The following MRGPRG variants were observed in gnomAD, a reference collection of about 807,000 sequenced individuals.
MRGPRG encodes mas-related G protein-coupled receptor member G.
For synonymous variants in MRGPRG, 216 were observed against 206.7 expected (o/e 1.05, Z -0.39); for missense variants, 395 against 394.7 (o/e 1.00, Z -0.01).
At position 3,218,245 on chromosome 11, in the gene MRGPRG, G is replaced by A; in HGVS notation, c.569C>T (p.Thr190Ile). The change falls in exon 1 of 1, where the codon ACT becomes ATT. Residue 190 changes from threonine (T) to isoleucine (I), a missense_variant. By Grantham distance (89) the Thr-to-Ile change is moderately conservative. Transcript: ENST00000332314. ...GCCGTAGAGCCTGGGCCGCGGGCGA[G>A]TGGAGCAGCAGGTCACCCAGACAAA... is the stretch of plus-strand genomic sequence containing the variant. ...VLFVWVTCCS[T>I]RPRPRLYGIV... is the part of the protein sequence containing the mutation. 1 of 1,497,512 alleles carries A rather than the reference G, an allele frequency of 6.7e-7. No individual in the cohort carries two copies. The highest frequency in any genetic ancestry group is 8.9e-7 in the Non-Finnish European group (1 of 1,117,852). The allele number at this position is 1,497,512 out of a possible 1,614,324, so 92.8% of individuals were successfully genotyped here. A position where few individuals can be genotyped will look rare whatever the true frequency, so the allele number is the denominator to read the frequency against.
chr11:3,218,576 G>A lies in MRGPRG; in HGVS notation c.238C>T (p.Leu80Phe), dbSNP rs994735224. 3.2e-6 allele frequency: 5 copies of A among 1,545,704 alleles called. No individual in the cohort carries two copies. The highest frequency in any genetic ancestry group is 2.0e-5 in the Admixed American group (1 of 50,838). ...CACAGGAAGGTGAGCACGAAGTAGA[G>A]TGTGTCCTGGGCGCCCAGGGCAGCC... ...AQAALGAQDTLYFVLTFLWFA... is the reference protein window; with the variant it reads ...AQAALGAQDTFYFVLTFLWFA... The change falls in exon 1 of 1, where the codon CTC becomes TTC. Residue 80 changes from leucine (L) to phenylalanine (F), a missense_variant. By Grantham distance (22) the Leu-to-Phe change is conservative. Transcript: ENST00000332314.
In MRGPRG at chr11:3,218,766, G is replaced by C; in HGVS notation, c.48C>G (p.Phe16Leu). The change falls in exon 1 of 1, where the codon TTC becomes TTG. Residue 16 changes from phenylalanine (F) to leucine (L), a missense_variant. Transcript: ENST00000332314. ...GLWRTFDSVV[F>L]YLTLIVGLGG... is the part of the protein sequence containing the mutation. The stretch of plus-strand genomic sequence containing the variant: ...CGAGGCCCACGATCAGCGTCAGGTA[G>C]AAGACCACACTGTCGAAGGTTCTCC... 6.5e-7 allele frequency: 1 copy of C among 1,545,682 alleles called. No individual in the cohort carries two copies. The highest frequency in any genetic ancestry group is 8.7e-7 in the Non-Finnish European group (1 of 1,143,688).
At chr11:3,218,500 AG>A in the MRGPRG span, 1 of 1,544,686 alleles carries the variant, frequency 6.5e-7, no homozygotes. Flanking sequence ...GAGGTCGGAG[AG>A]GCAGCGCTCC....
In MRGPRG at chr11:3,217,999, C is replaced by T; in HGVS notation, c.815G>A (p.Gly272Glu). Residue 272 changes from glycine (G) to glutamate (E), a missense_variant, in exon 1 of 1, where the codon GGG becomes GAG. Transcript: ENST00000332314. The surrounding 1 kb of genome is among the most constrained non-coding windows in gnomAD (Gnocchi z 6.5). Reference sequence around the variant, plus strand: ...CCTGGCACCCAGCTCGGCGCCCTCCCCCAGGGCCCTCCGCAGTACCGACCT... The same window carrying T: ...CCTGGCACCCAGCTCGGCGCCCTCCTCCAGGGCCCTCCGCAGTACCGACCT... ...PLRSVLRRAL[G>E]EGAELGARGQ... The T allele has an allele frequency of 1.3e-6, 2 of 1,529,904 alleles. No homozygotes were observed. Among genetic ancestry groups the T allele is most frequent in the Non-Finnish European group, 1.8e-6 (2 of 1,134,106 alleles). 94.8% of individuals were successfully genotyped at this position (1,529,904 alleles called of 1,614,324 possible). A position where few individuals can be genotyped will look rare whatever the true frequency, so the allele number is the denominator to read the frequency against.
In MRGPRG at chr11:3,218,308, A is replaced by G; in HGVS notation, c.506T>C (p.Val169Ala). 1 of 1,456,486 alleles carries G rather than the reference A, an allele frequency of 6.9e-7. No homozygotes were observed. Among genetic ancestry groups the G allele is most frequent in the Non-Finnish European group, 9.1e-7 (1 of 1,103,506 alleles). The allele number at this position is 1,456,486 out of a possible 1,614,324, so 90.2% of individuals were successfully genotyped here. Residue 169 changes from valine to alanine, a missense_variant, in exon 1 of 1, where the codon GTG becomes GCG. By Grantham distance (64) the Val-to-Ala change is moderately conservative. Coordinates refer to ENST00000332314, the MANE Select transcript of MRGPRG (RefSeq NM_001164377.1). ...YHVASVTWFLVLARVAWTAGV... is the reference protein window; with the variant it reads ...YHVASVTWFLALARVAWTAGV... ...AGCCGTCCAGGCGACGCGGGCCAGC[A>G]CCAGGAACCAGGTGACGCTGGCCAC...
chr11:3,218,624 G>T lies in MRGPRG; in HGVS notation c.190C>A (p.Arg64Ser), dbSNP rs1273202273. Reference sequence around the variant, plus strand: ...GCCTGAGCCACGGAGAAGCCCACACGGCAGGAGAGGAACAGGAAGTCGGCG... The same window carrying T: ...GCCTGAGCCACGGAGAAGCCCACACTGCAGGAGAGGAACAGGAAGTCGGCG... ...AAADFLFLSC[R>S]VGFSVAQAAL... The change falls in exon 1 of 1, where the codon CGT (arginine) becomes AGT (serine). Residue 64 changes from arginine to serine, a missense_variant. Transcript: ENST00000332314. 14 of 1,546,136 alleles carry T rather than the reference G, an allele frequency of 9.1e-6. No individual in the cohort carries two copies. The South Asian group carries it at 1.1e-4, about 12-fold the overall frequency.
chr11:3,218,002 AG>A, the MRGPRG span: 1 of 1,530,566 alleles, frequency 6.5e-7, no homozygotes, highest in Non-Finnish European at 8.8e-7. Flanking sequence ...GCCCTCCCCC[AG>A]GGCCCTCCGC....
In MRGPRG at chr11:3,218,733, C is replaced by G. The variant is rs1278991996; in HGVS notation, c.81G>C (p.Pro27=). The change falls in exon 1 of 1, where the codon CCG becomes CCC. Residue 27 remains proline (P), a synonymous_variant. Coordinates refer to ENST00000332314, the MANE Select transcript of MRGPRG (RefSeq NM_001164377.1). ...TCCAGAGCACCAGCCCGTTACCTAC[C>G]GGTCCCCCGAGGCCCACGATCAGCG... The part of the protein sequence containing the change: ...YLTLIVGLGG[P]VGNGLVLWNL... 3 of 1,546,070 alleles carry G rather than the reference C, an allele frequency of 1.9e-6. 1 individual carries two copies. The highest frequency in any genetic ancestry group is 2.6e-6 in the Non-Finnish European group (3 of 1,143,784).
At position 3,218,683 on chromosome 11, in the gene MRGPRG, C is replaced by T; in HGVS notation, c.131G>A (p.Gly44Asp). 6.5e-7 allele frequency: 1 copy of T among 1,546,208 alleles called. No homozygotes were observed. The highest frequency in any genetic ancestry group is 8.7e-7 in the Non-Finnish European group (1 of 1,143,880). The change falls in exon 1 of 1, where the codon GGC (glycine) becomes GAC (aspartate). Residue 44 changes from glycine (G) to aspartate (D), a missense_variant. Transcript: ENST00000332314. ...LWNLGFRIKK[G>D]PFSIYLLHLA... ...GTGCAGCAGGTAGATGGAGAAGGGG[C>T]CCTTCTTGATGCGGAAGCCGAGGTT...
Position 3,218,001 on chromosome 11 carries a change from C to A in MRGPRG, c.813G>T (p.Leu271=), listed in dbSNP as rs751192545. 6.5e-7 allele frequency: 1 copy of A among 1,530,720 alleles called. No homozygotes were observed. The highest frequency in any genetic ancestry group is 8.8e-7 in the Non-Finnish European group (1 of 1,134,548). 94.8% of individuals were successfully genotyped at this position (1,530,720 alleles called of 1,614,324 possible). A position where few individuals can be genotyped will look rare whatever the true frequency, so the allele number is the denominator to read the frequency against. Residue 271 remains leucine (L), a synonymous_variant, in exon 1 of 1, where the codon CTG becomes CTT. Transcript: ENST00000332314. The part of the protein sequence containing the change: ...EPLRSVLRRA[L]GEGAELGARG... ...TGGCACCCAGCTCGGCGCCCTCCCC[C>A]AGGGCCCTCCGCAGTACCGACCTCA...
chr11:3,217,988 C>T lies in MRGPRG; in HGVS notation c.826G>A (p.Glu276Lys), dbSNP rs1389187427. The change falls in exon 1 of 1, where the codon GAG becomes AAG. Residue 276 changes from glutamate (E) to lysine (K), a missense_variant. By Grantham distance (56) the Glu-to-Lys change is moderately conservative (BLOSUM62 1). Coordinates refer to ENST00000332314, the MANE Select transcript of MRGPRG (RefSeq NM_001164377.1). The surrounding 1 kb of genome is among the most constrained non-coding windows in gnomAD (Gnocchi z 6.5). Reference sequence around the variant, plus strand: ...AGGGACTGTCCCCTGGCACCCAGCTCGGCGCCCTCCCCCAGGGCCCTCCGC... The same window carrying T: ...AGGGACTGTCCCCTGGCACCCAGCTTGGCGCCCTCCCCCAGGGCCCTCCGC... ...VLRRALGEGA[E>K]LGARGQSLPM... The T allele has an allele frequency of 3.9e-6, 6 of 1,519,176 alleles. No homozygotes were observed. The South Asian group carries it at 6.2e-5, about 16-fold the overall frequency. 94.1% of individuals were successfully genotyped at this position (1,519,176 alleles called of 1,614,324 possible).
At position 3,218,403 on chromosome 11, in the gene MRGPRG, C is replaced by T. The variant is rs531575620; in HGVS notation, c.411G>A (p.Val137=). 4 of 1,509,804 alleles carry T rather than the reference C, an allele frequency of 2.6e-6. No homozygotes were observed. Among genetic ancestry groups the T allele is most frequent in the Non-Finnish European group, 3.5e-6 (4 of 1,131,362 alleles). The allele number at this position is 1,509,804 out of a possible 1,614,324, so 93.5% of individuals were successfully genotyped here. A position where few individuals can be genotyped will look rare whatever the true frequency, so the allele number is the denominator to read the frequency against. ...ALVWTPTLPA[V]PLPANACGLL... is the part of the protein sequence containing the mutation. ...GGCCGCAGGCGTTGGCGGGCAGCGG[C>T]ACGGCCGGCAGGGTCGGGGTCCACA... The change falls in exon 1 of 1, where the codon GTG becomes GTA. Residue 137 remains valine, a synonymous_variant. Transcript: ENST00000332314.
Position 3,218,073 on chromosome 11 carries a change from G to T in MRGPRG, c.741C>A (p.Pro247=), listed in dbSNP as rs1222851699. 4 of 1,544,796 alleles carry T rather than the reference G, an allele frequency of 2.6e-6. No individual in the cohort carries two copies. The highest frequency in any genetic ancestry group is 3.9e-5 in the Admixed American group (2 of 50,812). ...GTCGGCCCAACCCCGAGTAGATGAGGGGCTTGGAGCTGCTGTTGACGCAGG... is the reference window on the plus strand; with the variant it reads ...GTCGGCCCAACCCCGAGTAGATGAGTGGCTTGGAGCTGCTGTTGACGCAGG... ...LLACVNSSSK[P]LIYSGLGRQP... is the part of the protein sequence containing the mutation. Residue 247 remains proline (P), a synonymous_variant, in exon 1 of 1, where the codon CCC becomes CCA. Transcript: ENST00000332314.
Position 3,218,280 on chromosome 11 carries a change from G to T in MRGPRG, c.534C>A (p.Gly178=). The stretch of plus-strand genomic sequence containing the variant: ...AGGTCACCCAGACAAAGAGGACCAC[G>T]CCAGCCGTCCAGGCGACGCGGGCCA... ...LVLARVAWTA[G]VVLFVWVTCC... The change falls in exon 1 of 1, where the codon GGC becomes GGA. Residue 178 remains glycine (G), a synonymous_variant. Coordinates refer to ENST00000332314, the MANE Select transcript of MRGPRG (RefSeq NM_001164377.1). 6.8e-7 allele frequency: 1 copy of T among 1,466,840 alleles called. No individual in the cohort carries two copies. The allele number at this position is 1,466,840 out of a possible 1,614,324, so 90.9% of individuals were successfully genotyped here.
In MRGPRG at chr11:3,218,610, G is replaced by A. The variant is rs1847650535; in HGVS notation, c.204C>T (p.Ser68=). ...FLFLSCRVGF[S]VAQAALGAQD... ...GGGCGCCCAGGGCAGCCTGAGCCAC[G>A]GAGAAGCCCACACGGCAGGAGAGGA... The change falls in exon 1 of 1, where the codon TCC becomes TCT. Residue 68 remains serine (S), a synonymous_variant. Coordinates refer to ENST00000332314, the MANE Select transcript of MRGPRG (RefSeq NM_001164377.1). 1 of 1,545,884 alleles carries A rather than the reference G, an allele frequency of 6.5e-7. No individual in the cohort carries two copies. Among genetic ancestry groups the A allele is most frequent in the Non-Finnish European group, 8.7e-7 (1 of 1,143,866 alleles).
chr11:3,218,008 C>T lies in MRGPRG; in HGVS notation c.806G>A (p.Arg269Lys). 1 of 1,535,442 alleles carries T rather than the reference C, an allele frequency of 6.5e-7. No homozygotes were observed. The change falls in exon 1 of 1, where the codon AGG (arginine) becomes AAG (lysine). Residue 269 changes from arginine to lysine, a missense_variant. Transcript: ENST00000332314. ...CAGCTCGGCGCCCTCCCCCAGGGCC[C>T]TCCGCAGTACCGACCTCAGCGGCTC... ...KREPLRSVLRRALGEGAELGA... is the reference protein window; with the variant it reads ...KREPLRSVLRKALGEGAELGA...
rs1349226947 is a variant in MRGPRG, at chr11:3,218,699, A to T, written c.115T>A (p.Phe39Ile). 6.5e-7 allele frequency: 1 copy of T among 1,546,066 alleles called. No individual in the cohort carries two copies. The highest frequency in any genetic ancestry group is 2.0e-5 in the Admixed American group (1 of 50,844). Residue 39 changes from phenylalanine (F) to isoleucine (I), a missense_variant, in exon 1 of 1, where the codon TTC (phenylalanine) becomes ATC (isoleucine). Phe to Ile is a conservative substitution (Grantham distance 21). Transcript: ENST00000332314. ...GNGLVLWNLG[F>I]RIKKGPFSIY... ...GAGAAGGGGCCCTTCTTGATGCGGA[A>T]GCCGAGGTTCCAGAGCACCAGCCCG... is the stretch of plus-strand genomic sequence containing the variant.
chr11:3,218,076 C>T lies in MRGPRG; in HGVS notation c.738G>A (p.Lys246=). The T allele has an allele frequency of 6.5e-7, 1 of 1,544,940 alleles. No homozygotes were observed. The highest frequency in any genetic ancestry group is 8.7e-7 in the Non-Finnish European group (1 of 1,143,576). The part of the protein sequence containing the change: ...TLLACVNSSS[K]PLIYSGLGRQ... ...GGCCCAACCCCGAGTAGATGAGGGG[C>T]TTGGAGCTGCTGTTGACGCAGGCCA... Residue 246 remains lysine (K), a synonymous_variant, in exon 1 of 1, where the codon AAG becomes AAA. Transcript: ENST00000332314.
rs1229968553 is a variant in MRGPRG, at chr11:3,218,060, C to G, written c.754G>C (p.Gly252Arg). The G allele has an allele frequency of 6.5e-7, 1 of 1,544,534 alleles. No homozygotes were observed. Among genetic ancestry groups the G allele is most frequent in the African/African-American group, 1.4e-5 (1 of 72,768 alleles). The change falls in exon 1 of 1, where the codon GGG (glycine) becomes CGG (arginine). Residue 252 changes from glycine to arginine, a missense_variant. Transcript: ENST00000332314. ...NSSSKPLIYS[G>R]LGRQPGKREP... ...CGCTTCCCGGGCTGTCGGCCCAACC[C>G]CGAGTAGATGAGGGGCTTGGAGCTG...
Sources: allele counts gnomAD v4.1 joint callset, GRCh38; gene constraint gnomAD v4.1.1; non-coding constraint Gnocchi (gnomAD v3.1); transcripts MANE v1.5; gene names NCBI Gene and HGNC (gene_info 2026-07-23, HGNC 2026-07-21).